The following SNX8 variants were observed in gnomAD, a reference collection of about 807,000 sequenced individuals.
The protein encoded by SNX8 is sorting nexin-8.
A neutral mutation model predicts 51.6 loss-of-function variants in SNX8; 25 were observed. That is an observed-to-expected ratio of 0.48 (90% CI 0.35 to 0.68). SNX8 has a LOEUF of 0.68. Ranked by LOEUF, SNX8 falls within the 30% of genes least tolerant of loss-of-function variation. SNX8 has a pLI of 0.00. For missense variants in SNX8, 695 were observed against 624.0 expected (o/e 1.11, Z -1.21); for synonymous variants, 324 against 277.0 (o/e 1.17, Z -1.68).
At chr7:2,331,836 C>T (rs958596990) in intron 1 of SNX8, among the ~76,000 whole-genome samples, 35 of 152,142 alleles carry the variant, frequency 2.3e-4, no homozygotes, top group African/African-American at 7.9e-4. Flanking sequence ...GTCAAGATCA[C>T]GCCACTGCAC....
intron 1 of SNX8, among the ~76,000 whole-genome samples, chr7:2,279,752 CA>C (rs1377905216): frequency 5.1e-5 from 4 of 77,798 alleles, no homozygotes; most frequent in South Asian, 5.0e-4. Context: ...GACCCTGTCT[CA>C]AAAAAAAAGA....
intron 3 of SNX8, among the ~76,000 whole-genome samples, chr7:2,273,863 C>T (rs1177112455): frequency 6.6e-6 from 1 of 151,800 alleles, no homozygotes; most frequent in African/African-American, 2.4e-5. Context: ...GAGATTGCAC[C>T]ACTGCACTCC....
intron 9 of SNX8, 127 bp downstream of exon 9, chr7:2,257,238 T>G (rs1795209080): frequency 8.9e-6 from 11 of 1,242,474 alleles, no homozygotes; most frequent in Non-Finnish European, 1.2e-5. Context: ...CTGCCTCCAC[T>G]GCACCCCCAG....
At chr7:2,295,071 A>T (rs1175082857) in intron 1 of SNX8, among the ~76,000 whole-genome samples, 2 of 152,038 alleles carry the variant, frequency 1.3e-5, no homozygotes, top group African/African-American at 4.8e-5. Flanking sequence ...ATAAAAGACA[A>T]GACCATCCAC....
chr7:2,314,376 C>G lies in SNX8; in HGVS notation c.46G>C (p.Ala16Pro). 1 of 1,223,112 alleles carries G rather than the reference C, an allele frequency of 8.2e-7. No homozygotes were observed. The highest frequency in any genetic ancestry group is 3.2e-5 in the East Asian group (1 of 30,898). The allele number at this position is 1,223,112 out of a possible 1,614,324, so 75.8% of individuals were successfully genotyped here. ...MDPLPAAAVG[A>P]AAEAEADEEA... ...TCGTCAGCCTCCGCCTCAGCTGCCG[C>G]CCCGACTGCAGCCGCGGGCAGCGGG... The change falls in exon 1 of 11, where the codon GCG becomes CCG. Residue 16 changes from alanine to proline, a missense_variant. Transcript: ENST00000222990.
At chr7:2,279,214 G>A (rs111627359) in intron 1 of SNX8, among the ~76,000 whole-genome samples, 3 of 100,058 alleles carry the variant, frequency 3.0e-5, no homozygotes, top group African/African-American at 7.7e-5. Context: ...AGTCGACGCC[G>A]GACTCACTCA....
chr7:2,353,536 C>T (rs760178898), intron 1 of SNX8, among the ~76,000 whole-genome samples: 5 of 152,126 alleles, frequency 3.3e-5, no homozygotes, highest in Non-Finnish European at 5.9e-5. Context: ...CCTGTCTTGG[C>T]CTCCCAAAGT....
intron 7 of SNX8, among the ~76,000 whole-genome samples, chr7:2,258,684 G>A (rs1350286460): frequency 6.6e-6 from 1 of 152,106 alleles, no homozygotes; most frequent in Admixed American, 6.5e-5. Flanking sequence ...GCTGCAGGAA[G>A]GACGTGCTGC....
intron 1 of SNX8, among the ~76,000 whole-genome samples, chr7:2,285,742 C>G (rs548258452): frequency 6.6e-6 from 1 of 152,330 alleles, no homozygotes; most frequent in East Asian, 1.9e-4. Context: ...TCACAGCTCA[C>G]TGTTGCCAGG....
At position 2,278,288 on chromosome 7, in the gene SNX8, C is replaced by A. The variant is rs1428280918; in HGVS notation, c.112G>T (p.Ala38Ser). 2 of 1,581,752 alleles carry A rather than the reference C, an allele frequency of 1.3e-6. No individual in the cohort carries two copies. Among genetic ancestry groups the A allele is most frequent in the East Asian group, 2.3e-5 (1 of 43,900 alleles). ...TGCACGATGGCCTGGGGCTCGATGG[C>A]CTGGGGTGTCGGCAGATCTGCAGGG... is the stretch of plus-strand genomic sequence containing the variant. ...PPASDLPTPQ[A>S]IEPQAIVQQV... is the part of the protein sequence containing the mutation. Residue 38 changes from alanine to serine, a missense_variant, in exon 2 of 11, where the codon GCC becomes TCC. Coordinates refer to ENST00000222990, the MANE Select transcript of SNX8 (RefSeq NM_013321.4).
At chr7:2,297,675 T>C (rs555320557) in intron 1 of SNX8, among the ~76,000 whole-genome samples, 1 of 151,200 alleles carries the variant, frequency 6.6e-6, no homozygotes, top group Non-Finnish European at 1.5e-5. Context: ...GCAGAAAATG[T>C]GGTTCATATA....
At chr7:2,291,537 G>A (rs1246319146) in intron 1 of SNX8, among the ~76,000 whole-genome samples, 2 of 151,960 alleles carry the variant, frequency 1.3e-5, no homozygotes, top group Non-Finnish European at 2.9e-5. Flanking sequence ...GGCAGAGGCT[G>A]CAGGGAGCCG....
At chr7:2,277,967 G>T in intron 2 of SNX8, 133 bp downstream of exon 2, 2 of 1,403,884 alleles carry the variant, frequency 1.4e-6, no homozygotes, top group Non-Finnish European at 1.9e-6. Context: ...GCGAGTTCTG[G>T]ATCTTGCCTG....
At chr7:2,303,544 C>A (rs6966130) in intron 1 of SNX8, among the ~76,000 whole-genome samples, 2 of 152,196 alleles carry the variant, frequency 1.3e-5, no homozygotes, top group East Asian at 1.9e-4. Flanking sequence ...ATTGAGAAAT[C>A]GGATGGTTGC....
chr7:2,296,891 T>C (rs887530696), intron 1 of SNX8, among the ~76,000 whole-genome samples: 5 of 151,718 alleles, frequency 3.3e-5, no homozygotes, highest in African/African-American at 4.9e-5. Context: ...GATCACGCCA[T>C]TGCACTCCAG....
intron 1 of SNX8, among the ~76,000 whole-genome samples, chr7:2,328,051 ATTTG>A (rs755966103): frequency 3.3e-5 from 5 of 149,314 alleles, no homozygotes; most frequent in African/African-American, 7.4e-5. Context: ...TTTTGATTTT[ATTTG>A]TTTGTTTGTT....
intron 7 of SNX8, among the ~76,000 whole-genome samples, chr7:2,261,092 T>C (rs1795323910): frequency 6.6e-6 from 1 of 152,198 alleles, no homozygotes; most frequent in Admixed American, 6.5e-5. Context: ...GAATGGCTTT[T>C]ATGCTTTGCA....
intron 1 of SNX8, among the ~76,000 whole-genome samples, chr7:2,334,742 T>C (rs538286670): frequency 6.6e-6 from 1 of 150,586 alleles, no homozygotes; most frequent in Non-Finnish European, 1.5e-5. Context: ...TGGTGGCACA[T>C]GTCTGTGGTC....
At chr7:2,313,123 T>A (rs1315874247) in intron 1 of SNX8, among the ~76,000 whole-genome samples, 1 of 151,796 alleles carries the variant, frequency 6.6e-6, no homozygotes, top group African/African-American at 2.4e-5. Flanking sequence ...ATGGTCTTGA[T>A]CTCCTGACCT....
Sources: gnomAD v4.1 joint callset for allele counts (sites outside exome capture counted in the v4.1 genomes callset) on GRCh38, gnomAD v4.1.1 for gene constraint, MANE v1.5 for transcripts, NCBI Gene and HGNC (gene_info 2026-07-23, HGNC 2026-07-21) for gene names.